PAXIP1: variants seen among roughly 807,000 people sequenced by gnomAD.
PAXIP1 encodes PAX interacting protein 1.
PAXIP1 carries 19 observed loss-of-function variants against 140.6 expected under a neutral mutation model. The ratio of observed to expected loss-of-function variants is 0.14; its 90% CI spans 0.09 to 0.20. PAXIP1 has a LOEUF of 0.20. Among genes scored for constraint, PAXIP1 ranks in the 10% least tolerant of loss-of-function variants. The pLI is 1.00. For synonymous variants in PAXIP1, 442 were observed against 444.6 expected, an observed-to-expected ratio of 0.99 and a Z score of 0.07; for missense variants, 920 against 1,208.6, an observed-to-expected ratio of 0.76 and a Z score of 3.54.
intron 1 of PAXIP1, chr7:155,000,980 C>T (rs917389216): frequency 6.6e-6 from 1 of 152,178 alleles, no homozygotes; most frequent in Admixed American, 6.5e-5. Flanking sequence ...CAGGTGTGCT[C>T]CCTCCCCCAC....
intron 5 of PAXIP1, 37 bp from the exon 6 acceptor site, chr7:154,976,368 G>A (rs973998790): frequency 1.3e-6 from 2 of 1,517,710 alleles, no homozygotes; most frequent in African/African-American, 2.8e-5. Flanking sequence ...AAACAAAGCT[G>A]TAAATTTTAT....
chr7:154,973,552 T>G lies in PAXIP1; in HGVS notation c.1074+2144A>C, dbSNP rs566611751. On this transcript the variant is annotated intron_variant, in intron 6 of 20. Coordinates refer to ENST00000404141, the MANE Select transcript of PAXIP1 (RefSeq NM_007349.4). This position sits in a 1 kb window ranked among gnomAD's most constrained non-coding sequence, Gnocchi z 4.0. ...TGCTGTCTAACATCTAAAGGGCATG[T>G]TTGCCTCTATCTTACTCTGGATGCC... is the stretch of plus-strand genomic sequence containing the variant. 3.2e-4 allele frequency among the ~76,000 whole-genome samples: 48 copies of G among 152,286 alleles called. No homozygotes were observed. The highest frequency in any genetic ancestry group is 1.1e-3 in the African/African-American group (44 of 41,564).
intron 3 of PAXIP1, among the ~76,000 whole-genome samples, chr7:154,992,150 T>C (rs1015196782): frequency 6.7e-6 from 1 of 149,334 alleles, no homozygotes; most frequent in African/African-American, 2.6e-5. Context: ...CCAGGCTCCC[T>C]TGTTTGTTTG....
intron 8 of PAXIP1, chr7:154,964,177 A>G (rs1474020435): frequency 6.1e-6 from 1 of 162,792 alleles, no homozygotes; most frequent in East Asian, 1.7e-4. Flanking sequence ...ATCTTCAGAT[A>G]CTGCCAAAGG....
intron 3 of PAXIP1, among the ~76,000 whole-genome samples, chr7:154,991,718 A>AACAAG (rs1810339396): frequency 6.6e-6 from 1 of 152,248 alleles, no homozygotes. Context: ...CTGTGAATTT[A>AACAAG]ACAAGACACA....
At position 154,973,186 on chromosome 7, in the gene PAXIP1, C is replaced by G. The variant is rs1203488695; in HGVS notation, c.1074+2510G>C. 6.6e-6 allele frequency among the ~76,000 whole-genome samples: 1 copy of G among 152,208 alleles called. No homozygotes were observed. Among genetic ancestry groups the G allele is most frequent in the Non-Finnish European group, 1.5e-5 (1 of 68,032 alleles). On this transcript the variant is annotated intron_variant, in intron 6 of 20. Coordinates refer to ENST00000404141, the MANE Select transcript of PAXIP1 (RefSeq NM_007349.4). This position sits in a 1 kb window ranked among gnomAD's most constrained non-coding sequence, Gnocchi z 4.0. Reference sequence around the variant, plus strand: ...CTCTTGGACCTCCTCATCTTGGTGGCCTTCTCCCCATTTCCTCAGCCACAC... The same window carrying G: ...CTCTTGGACCTCCTCATCTTGGTGGGCTTCTCCCCATTTCCTCAGCCACAC...
In PAXIP1 at chr7:154,963,672, T is replaced by A. The variant is rs1808869353; in HGVS notation, c.1988A>T (p.Gln663Leu). 1.2e-6 allele frequency: 2 copies of A among 1,609,252 alleles called. No individual in the cohort carries two copies. Among genetic ancestry groups the A allele is most frequent in the Non-Finnish European group, 1.7e-6 (2 of 1,176,260 alleles). Residue 663 changes from glutamine (Q) to leucine (L), a missense_variant and splice_region_variant, in exon 9 of 21, where the codon CAG becomes CTG. Gln to Leu is a moderately radical substitution (Grantham distance 113, BLOSUM62 -2). Coordinates refer to ENST00000404141, the MANE Select transcript of PAXIP1 (RefSeq NM_007349.4). The surrounding 1 kb of genome is among the most constrained non-coding windows in gnomAD (Gnocchi z 4.1). ...CESQVSSAYA[Q>L]AIRERKRCVT... ...CGCAGCTAAGGCTATTTTCCTTACCTGTGCATACGCGCTGCTGACTTGACT... is the reference window on the plus strand; with the variant it reads ...CGCAGCTAAGGCTATTTTCCTTACCAGTGCATACGCGCTGCTGACTTGACT...
intron 2 of PAXIP1, among the ~76,000 whole-genome samples, chr7:154,997,004 C>T (rs1263551728): frequency 6.6e-6 from 1 of 152,090 alleles, no homozygotes; most frequent in Non-Finnish European, 1.5e-5. Flanking sequence ...AGGCTATTGT[C>T]TGAGAGAAAG....
At chr7:154,957,830 G>A (rs1332373405) in intron 13 of PAXIP1, among the ~76,000 whole-genome samples, 3 of 151,536 alleles carry the variant, frequency 2.0e-5, no homozygotes, top group Non-Finnish European at 2.9e-5. Context: ...AGCCGGGCGC[G>A]GTGGCAGGCG....
At chr7:154,989,819 C>T (rs1005122134) in intron 4 of PAXIP1, among the ~76,000 whole-genome samples, 4 of 152,114 alleles carry the variant, frequency 2.6e-5, no homozygotes, top group South Asian at 2.1e-4. Context: ...CCACTTAAGA[C>T]GTTTCCCATG....
At chr7:154,959,788 G>T in intron 13 of PAXIP1, 102 bp downstream of exon 13, 2 of 796,464 alleles carry the variant, frequency 2.5e-6, no homozygotes, top group South Asian at 1.5e-5. Context: ...TTATCATGTT[G>T]ACAAGTTACT....
rs766936800 is a variant in PAXIP1, at chr7:154,957,235, G to A, written c.2538C>T (p.Ser846=). ...GTTATTACTCATACCTGGCTCTTTTGGAAGAAGGCTGGACATTAGCTACTT... is the reference window on the plus strand; with the variant it reads ...GTTATTACTCATACCTGGCTCTTTTAGAAGAAGGCTGGACATTAGCTACTT... ...QNEVANVQPS[S]KRARIEDVPP... Residue 846 remains serine, a synonymous_variant, in exon 14 of 21, where the codon TCC becomes TCT. Transcript: ENST00000404141. 54 of 1,601,346 alleles carry A rather than the reference G, an allele frequency of 3.4e-5. No individual in the cohort carries two copies. The East Asian group carries it at 9.6e-4, about 28-fold the overall frequency.
chr7:154,968,939 G>A lies in PAXIP1; in HGVS notation c.1262C>T (p.Pro421Leu), dbSNP rs752230999. 4 of 1,462,718 alleles carry A rather than the reference G, an allele frequency of 2.7e-6. No individual in the cohort carries two copies. The South Asian group carries it at 4.9e-5, about 18-fold the overall frequency. 90.6% of individuals were successfully genotyped at this position (1,462,718 alleles called of 1,614,324 possible). The stretch of plus-strand genomic sequence containing the variant: ...CTGCTGGAGCTGCATTATCTGCTGG[G>A]GCTGAAGGTGTAAAACCGGGTGCTG... Reference protein sequence around the residue: ...QQQHPVLHLQPQQIMQLQQQQ... With the variant: ...QQQHPVLHLQLQQIMQLQQQQ... Residue 421 changes from proline to leucine, a missense_variant, in exon 7 of 21, where the codon CCC (proline) becomes CTC (leucine). By Grantham distance (98) the Pro-to-Leu change is moderately conservative (BLOSUM62 -3). Coordinates refer to ENST00000404141, the MANE Select transcript of PAXIP1 (RefSeq NM_007349.4).
At chr7:154,979,218 C>G (rs1254513274) in intron 5 of PAXIP1, among the ~76,000 whole-genome samples, 1 of 152,196 alleles carries the variant, frequency 6.6e-6, no homozygotes, top group East Asian at 1.9e-4. Context: ...ACCATGTCCC[C>G]TCTCCCCAAC....
At chr7:154,971,632 T>C (rs940565500) in intron 6 of PAXIP1, among the ~76,000 whole-genome samples, 4 of 152,262 alleles carry the variant, frequency 2.6e-5, no homozygotes, top group Non-Finnish European at 5.9e-5. Flanking sequence ...AATTGTGCTA[T>C]ACTACAAACA....
intron 11 of PAXIP1, 137 bp downstream of exon 11, chr7:154,961,390 G>T: frequency 1.5e-6 from 1 of 672,084 alleles, no homozygotes; most frequent in Non-Finnish European, 2.4e-6. Flanking sequence ...CTATATCATT[G>T]TCATACTTTA....
chr7:154,981,542 A>T (rs1471955702), intron 5 of PAXIP1, among the ~76,000 whole-genome samples: 2 of 152,216 alleles, frequency 1.3e-5, no homozygotes, highest in Non-Finnish European at 2.9e-5. Context: ...CCATTGACTT[A>T]GATAAGATAA....
Position 154,954,377 on chromosome 7 carries a change from C to T in PAXIP1, c.2699G>A (p.Cys900Tyr). The T allele has an allele frequency of 6.2e-7, 1 of 1,602,622 alleles. No homozygotes were observed. The highest frequency in any genetic ancestry group is 8.5e-7 in the Non-Finnish European group (1 of 1,171,802). The change falls in exon 16 of 21, where the codon TGC becomes TAC. Residue 900 changes from cysteine (C) to tyrosine (Y), a missense_variant. Cys to Tyr is a radical substitution (Grantham distance 194). Transcript: ENST00000404141. This position sits in a 1 kb window ranked among gnomAD's most constrained non-coding sequence, Gnocchi z 5.1. ...CACTTTGCTGGCAATGAGGTGTGTG[C>T]ACTTCTGTGCAGACTCCGCAACCTC... ...GGEVAESAQK[C>Y]THLIASKVTR... is the part of the protein sequence containing the mutation.
intron 9 of PAXIP1, chr7:154,962,659 C>G: frequency 2.2e-6 from 1 of 458,872 alleles, no homozygotes; most frequent in South Asian, 3.2e-5. Flanking sequence ...TGTTACTATC[C>G]ATCTGCAAAC....
Sources: gnomAD v4.1 joint callset for allele counts (sites outside exome capture counted in the v4.1 genomes callset) on GRCh38, gnomAD v4.1.1 for gene constraint, Gnocchi (gnomAD v3.1) non-coding constraint, MANE v1.5 for transcripts, NCBI Gene and HGNC (gene_info 2026-07-23, HGNC 2026-07-21) for gene names.